The following CACNA1G variants were observed in gnomAD, a reference collection of about 807,000 sequenced individuals.
CACNA1G encodes the protein calcium voltage-gated channel subunit alpha1 G, also known as voltage-dependent T-type calcium channel subunit alpha-1G.
A neutral mutation model predicts 219.4 loss-of-function variants in CACNA1G; 67 were observed. The observed-to-expected ratio is 0.31, with a 90% CI of 0.25 to 0.37. The LOEUF (loss-of-function observed/expected upper bound fraction) is 0.37, where lower values mean the gene tolerates loss of function less well. CACNA1G is among the 10% of genes least tolerant of loss of function. The pLI, the probability that CACNA1G is intolerant of heterozygous loss-of-function variation, is 1.00. For synonymous variants in CACNA1G, 1,296 were observed against 1,345.3 expected, an observed-to-expected ratio of 0.96 and a Z score of 0.80; for missense variants, 2,380 against 3,231.4, an observed-to-expected ratio of 0.74 and a Z score of 6.39.
At chr17:50,602,004 C>T (rs1182368900) in intron 19 of CACNA1G, among the ~76,000 whole-genome samples, 1 of 152,126 alleles carries the variant, frequency 6.6e-6, no homozygotes, top group Non-Finnish European at 1.5e-5. Context: ...CAAGACTAGG[C>T]GGGTGAGAGA....
At chr17:50,612,943 CT>C (rs1475559368) in intron 26 of CACNA1G, among the ~76,000 whole-genome samples, 1 of 152,258 alleles carries the variant, frequency 6.6e-6, no homozygotes, top group African/African-American at 2.4e-5. Context: ...CCCAAGGCTC[CT>C]CCCAGGGGCT....
intron 13 of CACNA1G, among the ~76,000 whole-genome samples, chr17:50,593,043 T>G (rs572657395): frequency 5.9e-5 from 9 of 152,334 alleles, no homozygotes; most frequent in African/African-American, 2.2e-4. Context: ...TTCTCCCCGC[T>G]ACCCTTTTCA....
intron 10 of CACNA1G, 41 bp downstream of exon 10, chr17:50,590,663 G>T: frequency 6.3e-7 from 1 of 1,596,546 alleles, no homozygotes; most frequent in Non-Finnish European, 8.6e-7. Flanking sequence ...TTGAGGAATG[G>T]TAGCAGGGGT....
rs549571026 is a variant in CACNA1G at position 50,603,709 on chromosome 17, C to T, written c.4170-446C>T. On this transcript the variant is annotated intron_variant, in intron 21 of 37. Coordinates refer to ENST00000359106, the MANE Select transcript of CACNA1G (RefSeq NM_018896.5). The surrounding 1 kb of genome is among the most constrained non-coding windows in gnomAD (Gnocchi z 6.4). The stretch of plus-strand genomic sequence containing the variant: ...CCAATCAGCCAGTCACCACCCCCAA[C>T]TCAGATTTTTTTTTTTTAATAGGGA... Among the ~76,000 whole-genome samples the T allele has an allele frequency of 5.3e-5, 8 of 151,558 alleles. No individual in the cohort carries two copies. Among genetic ancestry groups the T allele is most frequent in the African/African-American group, 1.5e-4 (6 of 41,050 alleles).
Position 50,618,849 on chromosome 17 carries a change from G to C in CACNA1G, c.5622G>C (p.Glu1874Asp). ...AGCTAGAGGCTGAGCTGGAGCTGGA[G>C]ATGAAGACCCTCAGCCCCCAGCCCC... The part of the protein sequence containing the change: ...EAELEAELEL[E>D]MKTLSPQPHS... Residue 1874 changes from glutamate (E) to aspartate (D), a missense_variant, in exon 33 of 38, where the codon GAG becomes GAC. Physicochemically the swap from Glu to Asp is conservative, Grantham distance 45. This residue lies in a region of CACNA1G where 672 missense variants were observed against 670.5 expected (regional missense o/e 1.00). Coordinates refer to ENST00000359106, the MANE Select transcript of CACNA1G (RefSeq NM_018896.5). The surrounding 1 kb of genome is among the most constrained non-coding windows in gnomAD (Gnocchi z 5.3). 6.2e-7 allele frequency: 1 copy of C among 1,613,606 alleles called. No individual in the cohort carries two copies. The highest frequency in any genetic ancestry group is 8.5e-7 in the Non-Finnish European group (1 of 1,179,862).
chr17:50,623,294 T>A (rs1253613006), intron 35 of CACNA1G, among the ~76,000 whole-genome samples: 1 of 110,402 alleles, frequency 9.1e-6, no homozygotes, highest in Non-Finnish European at 1.9e-5. Flanking sequence ...TTTTTTTTTT[T>A]AGAAATGGGG....
At chr17:50,615,205 C>T (rs944411806) in intron 26 of CACNA1G, among the ~76,000 whole-genome samples, 156 bp from the exon 27 acceptor site, 3 of 151,980 alleles carry the variant, frequency 2.0e-5, no homozygotes, top group Non-Finnish European at 4.4e-5. Flanking sequence ...GACGGCTGCC[C>T]CCACCAAGGG....
At chr17:50,570,450 A>C (rs2039129537) in intron 4 of CACNA1G, among the ~76,000 whole-genome samples, 2 of 152,132 alleles carry the variant, frequency 1.3e-5, no homozygotes, top group Admixed American at 1.3e-4. Context: ...CACAAGCTGC[A>C]GATGGTCCCT....
intron 1 of CACNA1G, among the ~76,000 whole-genome samples, chr17:50,567,640 C>T (rs1053209354): frequency 6.6e-6 from 1 of 152,110 alleles, no homozygotes; most frequent in South Asian, 2.1e-4. Flanking sequence ...TCCCCATTCC[C>T]CAGGGGGTCT....
chr17:50,572,703 G>T lies in CACNA1G; in HGVS notation c.896G>T (p.Gly299Val). 1 of 1,613,652 alleles carries T rather than the reference G, an allele frequency of 6.2e-7. No homozygotes were observed. ...RGDGGGGPPC[G>V]LDYEAYNSSS... ...GACGGGGGCGGTGGCCCACCTTGCG[G>T]TCTGGACTATGAGGCCTACAACAGC... Residue 299 changes from glycine (G) to valine (V), a missense_variant, in exon 6 of 38, where the codon GGT (glycine) becomes GTT (valine). Physicochemically the swap from Gly to Val is moderately radical, Grantham distance 109. Around this residue, in one of 17 missense-constraint regions of CACNA1G, gnomAD observed 68 missense variants for 85.3 expected, o/e 0.80. Transcript: ENST00000359106.
chr17:50,608,003 G>C lies in CACNA1G; in HGVS notation c.4689G>C (p.Leu1563=), dbSNP rs1346884835. The change falls in exon 25 of 38, where the codon CTG becomes CTC. Residue 1563 remains leucine (L), a synonymous_variant. Transcript: ENST00000359106. ...RRREEKRLRR[L]EKKRRNLMLD... is the part of the protein sequence containing the mutation. ...GGGAGGAGAAGCGCCTACGAAGACT[G>C]GAGAAAAAGAGAAGGAGTAAGGAGA... The C allele has an allele frequency of 6.2e-7, 1 of 1,610,216 alleles. No individual in the cohort carries two copies. Among genetic ancestry groups the C allele is most frequent in the Non-Finnish European group, 8.5e-7 (1 of 1,178,214 alleles).
chr17:50,588,985 G>A (rs1288584988), intron 9 of CACNA1G, among the ~76,000 whole-genome samples: 1 of 152,190 alleles, frequency 6.6e-6, no homozygotes, highest in East Asian at 1.9e-4. Context: ...GCTGGCCAGC[G>A]AGACAGTGAG....
At chr17:50,604,661 C>T (rs540630470) in intron 22 of CACNA1G, among the ~76,000 whole-genome samples, 1 of 152,350 alleles carries the variant, frequency 6.6e-6, no homozygotes, top group East Asian at 1.9e-4. Flanking sequence ...AGGGCCCAGA[C>T]AGCTGGGCCA....
chr17:50,609,804 AG>A, intron 25 of CACNA1G, 77 bp from the exon 26 acceptor site: 4 of 1,321,604 alleles, frequency 3.0e-6, no homozygotes, highest in Non-Finnish European at 4.3e-6. Context: ...GTGGGAGCTG[AG>A]GGGAAGCCGC....
intron 13 of CACNA1G, among the ~76,000 whole-genome samples, chr17:50,593,249 A>T (rs189116205): frequency 4.2e-4 from 64 of 152,330 alleles, no homozygotes; most frequent in African/African-American, 1.5e-3. Context: ...CTCCCACAAG[A>T]GCCAGTAGAC....
intron 33 of CACNA1G, 25 bp from the exon 34 acceptor site, chr17:50,619,658 C>T (rs2146315997): frequency 1.2e-6 from 2 of 1,602,084 alleles, no homozygotes; most frequent in South Asian, 1.1e-5. Context: ...GCCTCTCCGG[C>T]TCCCCTTACG....
intron 35 of CACNA1G, among the ~76,000 whole-genome samples, chr17:50,622,166 T>TCCCCCCCAACCCCCCCCCCCCCCCCCCC: frequency 7.5e-6 from 1 of 133,022 alleles, no homozygotes; most frequent in Non-Finnish European, 1.6e-5. Flanking sequence ...CTGTGCCTGT[T>TCCCCCCCAACCCCCCCCCCCCCCCCCCC]CCCCTCCTCC....
chr17:50,563,394 T>C (rs2036616168), intron 1 of CACNA1G: 1 of 152,240 alleles, frequency 6.6e-6, no homozygotes, highest in Admixed American at 6.5e-5. Context: ...GGAGAACTGA[T>C]ATGGCTGGAA....
intron 1 of CACNA1G, among the ~76,000 whole-genome samples, chr17:50,564,353 T>G (rs2037036776): frequency 6.6e-6 from 1 of 151,228 alleles, no homozygotes; most frequent in African/African-American, 2.4e-5. Context: ...CTCTGGCTGT[T>G]GTGTCACATC....
Sources: allele counts gnomAD v4.1 joint callset (sites outside exome capture counted in the v4.1 genomes callset), GRCh38; gene constraint gnomAD v4.1.1; regional missense constraint gnomAD v4.1.1; non-coding constraint Gnocchi (gnomAD v3.1); transcripts MANE v1.5; gene names NCBI Gene and HGNC (gene_info 2026-07-23, HGNC 2026-07-21).